Variants in RANBP2 observed in about 807,000 individuals in gnomAD.
RANBP2 encodes RAN binding protein 2.
In RANBP2, 57 loss-of-function variants were observed where a neutral mutation model predicts 303.6. That is an observed-to-expected ratio of 0.19 (90% CI 0.15 to 0.23). RANBP2 has a LOEUF of 0.23. Ranked by LOEUF, RANBP2 falls within the 10% of genes least tolerant of loss-of-function variation. The pLI, the probability that RANBP2 is intolerant of heterozygous loss-of-function variation, is 1.00. For missense variants in RANBP2, 3,138 were observed against 3,780.8 expected, an observed-to-expected ratio of 0.83 and a Z score of 4.46; for synonymous variants, 1,167 against 1,301.5, an observed-to-expected ratio of 0.90 and a Z score of 2.23.
the RANBP2 span, among the ~76,000 whole-genome samples, chr2:108,856,412 C>T: frequency 1.3e-5 from 2 of 152,138 alleles, no homozygotes; most frequent in Non-Finnish European, 2.9e-5. Flanking sequence ...AGCAACAAAA[C>T]ATAATCTTAG....
the RANBP2 span, among the ~76,000 whole-genome samples, chr2:109,689,095 C>T: frequency 6.6e-6 from 1 of 151,956 alleles, no homozygotes; most frequent in African/African-American, 2.4e-5. Context: ...TTAGTAGAGG[C>T]GGGATTTCAC....
chr2:108,868,168 A>C, the RANBP2 span, among the ~76,000 whole-genome samples: 1 of 152,194 alleles, frequency 6.6e-6, no homozygotes, highest in East Asian at 1.9e-4. Flanking sequence ...TTACCTTGAG[A>C]GATTTCAGTA....
chr2:109,487,584 AT>A, the RANBP2 span, among the ~76,000 whole-genome samples: 1 of 152,180 alleles, frequency 6.6e-6, no homozygotes, highest in African/African-American at 2.4e-5. Context: ...TATCCATCAC[AT>A]TTACGCACCC....
At chr2:109,263,460 G>A in the RANBP2 span, among the ~76,000 whole-genome samples, 1 of 152,220 alleles carries the variant, frequency 6.6e-6, no homozygotes, top group Non-Finnish European at 1.5e-5. Context: ...TAATGAAATA[G>A]TAGCTAGAAT....
At chr2:109,348,041 CT>C in the RANBP2 span, 1 of 1,463,434 alleles carries the variant, frequency 6.8e-7, no homozygotes, top group Non-Finnish European at 9.1e-7. Flanking sequence ...GCCAGACAGT[CT>C]TTCTTCAGAG....
chr2:109,176,089 G>C, the RANBP2 span, among the ~76,000 whole-genome samples: 1 of 152,284 alleles, frequency 6.6e-6, no homozygotes, highest in East Asian at 1.9e-4. Flanking sequence ...ACACTGGAAA[G>C]CCTCATTCTG....
At chr2:109,066,298 G>A in the RANBP2 span, among the ~76,000 whole-genome samples, 11 of 152,058 alleles carry the variant, frequency 7.2e-5, no homozygotes, top group South Asian at 2.1e-4. Context: ...TAGTAGATAC[G>A]GGGTTTCACC....
the RANBP2 span, among the ~76,000 whole-genome samples, chr2:109,448,653 G>A: frequency 6.6e-6 from 1 of 152,126 alleles, no homozygotes; most frequent in Non-Finnish European, 1.5e-5. Context: ...AAGCTCAGGG[G>A]TCCTACTGAT....
At chr2:109,344,294 G>A in the RANBP2 span, among the ~76,000 whole-genome samples, 1 of 152,230 alleles carries the variant, frequency 6.6e-6, no homozygotes, top group African/African-American at 2.4e-5. Context: ...GGTGCTGATG[G>A]AATTAGGAGG....
chr2:109,281,175 G>A, the RANBP2 span, among the ~76,000 whole-genome samples: 1 of 152,256 alleles, frequency 6.6e-6, no homozygotes, highest in African/African-American at 2.4e-5. Context: ...AATGCAGTGA[G>A]TCACGGTTCT....
chr2:109,758,370 T>G, the RANBP2 span, among the ~76,000 whole-genome samples: 1 of 87,704 alleles, frequency 1.1e-5, no homozygotes, highest in Admixed American at 1.2e-4. Context: ...ATCATGCCAC[T>G]GCACTCCAGC....
At chr2:108,737,339 TTTTTTTTTTTG>T (rs1323664522) in intron 6 of RANBP2, among the ~76,000 whole-genome samples, 11 of 129,928 alleles carry the variant, frequency 8.5e-5, no homozygotes, top group African/African-American at 4.1e-4. Flanking sequence ...TTCTTTCTTT[TTTTTTTTTTTG>T]TTTTTTTGAG....
At chr2:108,904,317 C>T in the RANBP2 span, among the ~76,000 whole-genome samples, 3 of 152,296 alleles carry the variant, frequency 2.0e-5, no homozygotes, top group South Asian at 6.2e-4. Context: ...CCACCAAATG[C>T]TGGCAAGCAT....
chr2:109,175,764 A>C, the RANBP2 span, among the ~76,000 whole-genome samples: 1 of 152,340 alleles, frequency 6.6e-6, no homozygotes, highest in East Asian at 1.9e-4. Flanking sequence ...ATTGTAATCT[A>C]TTGGCTTCAA....
chr2:108,815,461 G>GTTTTTTT, the RANBP2 span, among the ~76,000 whole-genome samples: 168 of 70,678 alleles, frequency 2.4e-3, no homozygotes, highest in East Asian at 3.3e-3. Flanking sequence ...GGTTTTTGGT[G>GTTTTTTT]TTTTTTTTTT....
chr2:109,414,650 TC>T, the RANBP2 span, among the ~76,000 whole-genome samples: 1 of 152,098 alleles, frequency 6.6e-6, no homozygotes, highest in Non-Finnish European at 1.5e-5. Context: ...CCCAGGCCAG[TC>T]CCTTCTGAGC....
the RANBP2 span, among the ~76,000 whole-genome samples, chr2:109,031,248 C>T: frequency 0.019 from 2,897 of 152,202 alleles, 98 homozygotes; most frequent in African/African-American, 0.066. Flanking sequence ...GTGAGGGGGG[C>T]CTGTTCCTCA....
chr2:109,187,123 G>A, the RANBP2 span, among the ~76,000 whole-genome samples: 2 of 149,760 alleles, frequency 1.3e-5, no homozygotes, highest in Admixed American at 1.3e-4. Context: ...CAGAGCCACA[G>A]GGTGAGGGAC....
the RANBP2 span, among the ~76,000 whole-genome samples, chr2:109,177,859 AC>A: frequency 4.8e-4 from 73 of 152,374 alleles, no homozygotes; most frequent in African/African-American, 1.7e-3. Context: ...TAGGTCAAGA[AC>A]AAGTAAAGTT....
Sources: gnomAD v4.1 joint callset for allele counts (sites outside exome capture counted in the v4.1 genomes callset) on GRCh38, gnomAD v4.1.1 for gene constraint, MANE v1.5 for transcripts, NCBI Gene and HGNC (gene_info 2026-07-23, HGNC 2026-07-21) for gene names.